Variants in CNTN1 observed in about 807,000 individuals in gnomAD.
CNTN1 encodes contactin 1.
Under a neutral mutation model 126.4 loss-of-function variants are expected in CNTN1, and 38 were observed. That is an observed-to-expected ratio of 0.30 (90% CI 0.23 to 0.39). CNTN1 has a LOEUF of 0.39. Ranked by LOEUF, CNTN1 falls within the 10% of genes least tolerant of loss-of-function variation. The pLI, the probability that CNTN1 is intolerant of heterozygous loss-of-function variation, is 1.00. For missense variants in CNTN1, 1,009 were observed against 1,248.4 expected (o/e 0.81, Z 2.89); for synonymous variants, 413 against 422.6 (o/e 0.98, Z 0.28).
intron 14 of CNTN1, among the ~76,000 whole-genome samples, chr12:40,948,525 T>C (rs2136968041): frequency 6.6e-6 from 1 of 152,238 alleles, no homozygotes; most frequent in Admixed American, 6.5e-5. Context: ...TGTGATTTTC[T>C]CAGTTTTCAA....
At chr12:40,769,410 A>C in intron 1 of CNTN1, among the ~76,000 whole-genome samples, 1 of 152,210 alleles carries the variant, frequency 6.6e-6, no homozygotes, top group East Asian at 1.9e-4. Context: ...ACAAGAGCAG[A>C]CTATGAAGTG....
At chr12:40,760,563 C>A (rs1440936804) in intron 1 of CNTN1, among the ~76,000 whole-genome samples, 1 of 151,690 alleles carries the variant, frequency 6.6e-6, no homozygotes, top group Non-Finnish European at 1.5e-5. Flanking sequence ...AACTGCTGTT[C>A]GCAGTGTGGC....
intron 17 of CNTN1, among the ~76,000 whole-genome samples, chr12:40,999,264 T>C (rs932805745): frequency 7.2e-5 from 11 of 152,232 alleles, no homozygotes; most frequent in African/African-American, 2.4e-4. Context: ...AGCAGCTCAC[T>C]ATTTTTAACC....
chr12:41,016,949 G>T, intron 19 of CNTN1, 33 bp downstream of exon 19: 1 of 1,564,954 alleles, frequency 6.4e-7, no homozygotes, highest in South Asian at 1.1e-5. Context: ...TACCTGAGGA[G>T]GGAGGAAAAA....
rs528423256 is a variant in CNTN1 at position 41,021,851 on chromosome 12, A to T, written c.2523+1411A>T. On this transcript the variant is annotated intron_variant, in intron 20 of 23. Transcript: ENST00000551295. ...GAGAGAAATTCACTAGATGTTACAAACCCCTGTAATAAATACGCCTGAGGT... is the reference window on the plus strand; with the variant it reads ...GAGAGAAATTCACTAGATGTTACAATCCCCTGTAATAAATACGCCTGAGGT... 2.0e-5 allele frequency among the ~76,000 whole-genome samples: 3 copies of T among 152,096 alleles called. No homozygotes were observed. In the South Asian group the frequency reaches 6.2e-4, roughly 32 times the overall value.
intron 15 of CNTN1, among the ~76,000 whole-genome samples, chr12:40,964,672 GC>G (rs765789940): frequency 5.9e-5 from 9 of 152,022 alleles, no homozygotes; most frequent in Non-Finnish European, 1.2e-4. Flanking sequence ...TTATTGCTTA[GC>G]CTAATGACGT....
At chr12:40,715,680 T>G (rs1462724896) in intron 1 of CNTN1, among the ~76,000 whole-genome samples, 1 of 152,174 alleles carries the variant, frequency 6.6e-6, no homozygotes, top group South Asian at 2.1e-4. Flanking sequence ...AGCTTTTTCA[T>G]TAACTGATTT....
In CNTN1 at chr12:41,007,044, GGTTTTTT is replaced by G. The variant is rs1255417443; in HGVS notation, c.2114-7183_2114-7177del. On this transcript the variant is annotated intron_variant, in intron 17 of 23. Transcript: ENST00000551295. The stretch of plus-strand genomic sequence containing the variant: ...TTGGCAGTTAAAAGCAGTTTTGTGT[GGTTTTTT>G]TTTTTTTTTTTTTTTTTTTTTTTTT... 6.8e-3 allele frequency among the ~76,000 whole-genome samples: 841 copies of G among 123,480 alleles called. 20 individuals carry two copies. The highest frequency in any genetic ancestry group is 0.025 in the African/African-American group (790 of 32,162). The allele number at this position is 123,480 out of a possible 152,430, so 81.0% of individuals were successfully genotyped here. A position where few individuals can be genotyped will look rare whatever the true frequency, so the allele number is the denominator to read the frequency against.
chr12:41,031,999 C>G (rs1949154212), intron 23 of CNTN1, among the ~76,000 whole-genome samples: 1 of 152,114 alleles, frequency 6.6e-6, no homozygotes, highest in African/African-American at 2.4e-5. Flanking sequence ...TAACACACTA[C>G]TAGATCTTAA....
At position 41,025,280 on chromosome 12, in the gene CNTN1, A is replaced by G. The variant is rs768554950; in HGVS notation, c.2654A>G (p.Asn885Ser). Residue 885 changes from asparagine (N) to serine (S), a missense_variant, in exon 21 of 24, where the codon AAT becomes AGT. Physicochemically the swap from Asn to Ser is conservative, Grantham distance 46 (BLOSUM62 1). Transcript: ENST00000551295. ...TATTTTATAGAAGTCGGGGCCTGCA[A>G]TAGTGCAGGGTGTGGACCTCCAAGT... is the stretch of plus-strand genomic sequence containing the variant. ...TQYFIEVGAC[N>S]SAGCGPPSDM... 5 of 1,613,856 alleles carry G rather than the reference A, an allele frequency of 3.1e-6. No individual in the cohort carries two copies. Among genetic ancestry groups the G allele is most frequent in the Admixed American group, 3.3e-5 (2 of 60,022 alleles).
intron 1 of CNTN1, among the ~76,000 whole-genome samples, chr12:40,835,007 G>C (rs1453578215): frequency 6.6e-6 from 1 of 152,080 alleles, no homozygotes; most frequent in African/African-American, 2.4e-5. Flanking sequence ...AAATAATACT[G>C]ATGCATAGTA....
Position 40,933,453 on chromosome 12 carries a change from A to C in CNTN1, c.704-8A>C. 6.4e-7 allele frequency: 1 copy of C among 1,565,572 alleles called. No individual in the cohort carries two copies. Among genetic ancestry groups the C allele is most frequent in the Non-Finnish European group, 8.8e-7 (1 of 1,136,174 alleles). On this transcript the variant is annotated splice_region_variant and splice_polypyrimidine_tract_variant and intron_variant, in intron 7 of 23. Coordinates refer to ENST00000551295, the MANE Select transcript of CNTN1 (RefSeq NM_001843.4). ...ATTAGTGGATATTTGTGTTTCTCTT[A>C]ATATTAGGAACAACAAAACCATATC...
At chr12:40,813,868 C>A (rs1269207000) in intron 1 of CNTN1, among the ~76,000 whole-genome samples, 1 of 152,148 alleles carries the variant, frequency 6.6e-6, no homozygotes, top group South Asian at 2.1e-4. Context: ...TATGTCCTGA[C>A]ATTTTAATAA....
intron 1 of CNTN1, among the ~76,000 whole-genome samples, chr12:40,736,971 A>T (rs1043710598): frequency 1.3e-5 from 2 of 151,998 alleles, no homozygotes; most frequent in Non-Finnish European, 2.9e-5. Flanking sequence ...ATAAAAATAA[A>T]TTTTAAATCC....
chr12:40,723,838 T>C (rs1172191418), intron 1 of CNTN1, among the ~76,000 whole-genome samples: 3 of 152,204 alleles, frequency 2.0e-5, no homozygotes, highest in Non-Finnish European at 4.4e-5. Context: ...TTAAATGGTT[T>C]ATCTAAAAGG....
rs1373381081 is a variant in CNTN1, at chr12:40,943,740, A to AG, written c.1507+19dup. The AG allele has an allele frequency of 3.1e-6, 5 of 1,612,062 alleles. No individual in the cohort carries two copies. The highest frequency in any genetic ancestry group is 4.2e-6 in the Non-Finnish European group (5 of 1,178,652). On this transcript the variant is annotated intron_variant, in intron 13 of 23. Transcript: ENST00000551295. The stretch of plus-strand genomic sequence containing the variant: ...GTTATCACAGGTAAGTTAATGTTTG[A>AG]GGGTGCTTAATTTCTAATGTATTAA...
At chr12:41,067,362 T>C (rs919353268) in intron 23 of CNTN1, among the ~76,000 whole-genome samples, 1 of 152,104 alleles carries the variant, frequency 6.6e-6, no homozygotes, top group Non-Finnish European at 1.5e-5. Flanking sequence ...AGCCACAGTT[T>C]GTACTTTGCC....
At chr12:40,782,783 G>A (rs886138106) in intron 1 of CNTN1, among the ~76,000 whole-genome samples, 3 of 151,836 alleles carry the variant, frequency 2.0e-5, no homozygotes, top group Non-Finnish European at 2.9e-5. Flanking sequence ...TATCATAGTT[G>A]AGTGAAAGAA....
intron 15 of CNTN1, among the ~76,000 whole-genome samples, chr12:40,964,888 G>A (rs567858522): frequency 6.6e-6 from 1 of 152,196 alleles, no homozygotes; most frequent in Admixed American, 6.6e-5. Context: ...TATGGAAAAT[G>A]CTCTTGGGTA....
Sources: gnomAD v4.1 joint callset for allele counts (sites outside exome capture counted in the v4.1 genomes callset) on GRCh38, gnomAD v4.1.1 for gene constraint, MANE v1.5 for transcripts, NCBI Gene and HGNC (gene_info 2026-07-23, HGNC 2026-07-21) for gene names.